Variants in YLPM1 observed in about 807,000 individuals in gnomAD.
YLPM1 encodes the protein YLP motif-containing protein 1.
YLPM1 carries 99 observed loss-of-function variants against 230.0 expected under a neutral mutation model. The ratio of observed to expected loss-of-function variants is 0.43; its 90% confidence interval spans 0.37 to 0.51. The LOEUF is 0.51. YLPM1 is among the 20% of genes least tolerant of loss of function. The pLI is 0.00. For missense variants in YLPM1, 2,592 were observed against 2,707.7 expected, an observed-to-expected ratio of 0.96 and a Z score of 0.95; for synonymous variants, 984 against 942.5, an observed-to-expected ratio of 1.04 and a Z score of -0.81.
intron 15 of YLPM1, among the ~76,000 whole-genome samples, 160 bp downstream of exon 15, chr14:74,817,437 T>C (rs2091488096): frequency 6.6e-6 from 1 of 152,234 alleles, no homozygotes; most frequent in African/African-American, 2.4e-5. Flanking sequence ...AAATACTTCA[T>C]TGTGTTGCAG....
chr14:74,764,390 C>T (rs373093271), intron 1 of YLPM1, 28 bp downstream of exon 1: 4 of 1,564,110 alleles, frequency 2.6e-6, no homozygotes, highest in Non-Finnish European at 2.6e-6. Context: ...TGAACCTCAT[C>T]TTTCACCTAG....
intron 6 of YLPM1, among the ~76,000 whole-genome samples, chr14:74,807,327 A>T (rs1381384799): frequency 1.3e-5 from 2 of 152,156 alleles, no homozygotes; most frequent in African/African-American, 4.8e-5. Context: ...AAATAAAACC[A>T]AACCAGCCAG....
Position 74,799,100 on chromosome 14 carries a change from G to T in YLPM1, c.3803G>T (p.Trp1268Leu), listed in dbSNP as rs1275190338. The T allele has an allele frequency of 6.2e-7, 1 of 1,613,914 alleles. No individual in the cohort carries two copies. Among genetic ancestry groups the T allele is most frequent in the Non-Finnish European group, 8.5e-7 (1 of 1,179,862 alleles). Residue 1268 changes from tryptophan to leucine, a missense_variant, in exon 5 of 21, where the codon TGG (tryptophan) becomes TTG (leucine). This residue lies in a region of YLPM1 where 1,862 missense variants were observed against 1,819.8 expected (regional missense o/e 1.02). Transcript: ENST00000325680. ...AGGCGAGGCCCTTGGTGGGATGATT[G>T]GGAGAGAGACCAGGATATGGATGAG... is the stretch of plus-strand genomic sequence containing the variant. ...GDRRGPWWDD[W>L]ERDQDMDEDY... is the part of the protein sequence containing the mutation.
intron 18 of YLPM1, among the ~76,000 whole-genome samples, chr14:74,826,684 A>C (rs1176255606): frequency 1.3e-5 from 2 of 152,186 alleles, no homozygotes; most frequent in African/African-American, 4.8e-5. Context: ...TGATTTTTAG[A>C]ACAGTTCAGA....
rs1335467537 is a variant in YLPM1 at position 74,809,771 on chromosome 14, A to G, written c.4913A>G (p.Gln1638Arg). 6.2e-7 allele frequency: 1 copy of G among 1,613,994 alleles called. No homozygotes were observed. Among genetic ancestry groups the G allele is most frequent in the Admixed American group, 1.7e-5 (1 of 60,024 alleles). ...ATGTCCAAGCCACCACCAGTACAAC[A>G]GACTGTTGATTATGGCCATGGCCGA... is the stretch of plus-strand genomic sequence containing the variant. ...PPMSKPPPVQ[Q>R]TVDYGHGRDI... Residue 1638 changes from glutamine (Q) to arginine (R), a missense_variant, in exon 7 of 21, where the codon CAG (glutamine) becomes CGG (arginine). Coordinates refer to ENST00000325680, the MANE Select transcript of YLPM1 (RefSeq NM_019589.3).
At chr14:74,804,139 G>A (rs2091355003) in intron 6 of YLPM1, among the ~76,000 whole-genome samples, 1 of 152,076 alleles carries the variant, frequency 6.6e-6, no homozygotes, top group South Asian at 2.1e-4. Context: ...CCTGGGCAAC[G>A]GGCGAAACTC....
chr14:74,812,061 G>A (rs971177859), intron 10 of YLPM1, among the ~76,000 whole-genome samples: 13 of 152,086 alleles, frequency 8.5e-5, no homozygotes, highest in South Asian at 2.1e-4. Context: ...TTTCTTTATC[G>A]TGATTGTTCT....
At position 74,797,971 on chromosome 14, in the gene YLPM1, G is replaced by A; in HGVS notation, c.2674G>A (p.Asp892Asn). ...ATTTTCCATTGCTGCAGATGTAAAG[G>A]ATGTCAAGGCGGCTCAGTCAAATGA... The part of the protein sequence containing the change: ...AAFSIAADVK[D>N]VKAAQSNENL... Residue 892 changes from aspartate (D) to asparagine (N), a missense_variant, in exon 5 of 21, where the codon GAT becomes AAT. By Grantham distance (23) the Asp-to-Asn change is conservative. Transcript: ENST00000325680. The A allele has an allele frequency of 6.2e-7, 1 of 1,609,032 alleles. No homozygotes were observed. Among genetic ancestry groups the A allele is most frequent in the South Asian group, 1.1e-5 (1 of 90,840 alleles).
intron 4 of YLPM1, among the ~76,000 whole-genome samples, chr14:74,791,407 A>G (rs1399200390): frequency 1.3e-5 from 2 of 152,242 alleles, no homozygotes; most frequent in African/African-American, 2.4e-5. Flanking sequence ...TTGATCAGCA[A>G]TTTGGTCTGA....
At position 74,781,454 on chromosome 14, in the gene YLPM1, C is replaced by T. The variant is rs377344128; in HGVS notation, c.1411C>T (p.His471Tyr). The T allele has an allele frequency of 2.3e-5, 37 of 1,612,492 alleles. No individual in the cohort carries two copies. Among genetic ancestry groups the T allele is most frequent in the South Asian group, 1.1e-5 (1 of 90,806 alleles). The change falls in exon 4 of 21, where the codon CAT becomes TAT. Residue 471 changes from histidine to tyrosine, a missense_variant. Physicochemically the swap from His to Tyr is moderately conservative, Grantham distance 83. Coordinates refer to ENST00000325680, the MANE Select transcript of YLPM1 (RefSeq NM_019589.3). ...GGAGGAACAACTCCATTCCTATCCTCATAAAGATCAGCTTCAGGAGTATGA... is the reference window on the plus strand; with the variant it reads ...GGAGGAACAACTCCATTCCTATCCTTATAAAGATCAGCTTCAGGAGTATGA... ...LWEEQLHSYP[H>Y]KDQLQEYEKQ...
In YLPM1 at chr14:74,836,814, A is replaced by G. The variant is rs2140151398; in HGVS notation, c.*1076A>G. 6.5e-6 allele frequency: 1 copy of G among 152,768 alleles called. No homozygotes were observed. The highest frequency in any genetic ancestry group is 1.5e-5 in the Non-Finnish European group (1 of 68,040). 9.5% of individuals were successfully genotyped at this position (152,768 alleles called of 1,614,324 possible). A position where few individuals can be genotyped will look rare whatever the true frequency, so the allele number is the denominator to read the frequency against. Reference sequence around the variant, plus strand: ...CAGAATTTCCTCTCTTGTGGTTAATACCAGGTGGAACCCAGAAACATACAG... The same window carrying G: ...CAGAATTTCCTCTCTTGTGGTTAATGCCAGGTGGAACCCAGAAACATACAG... On this transcript the variant is annotated 3_prime_UTR_variant, in exon 21 of 21. Coordinates refer to ENST00000325680, the MANE Select transcript of YLPM1 (RefSeq NM_019589.3).
At chr14:74,775,772 CAT>C (rs1209044605) in intron 1 of YLPM1, among the ~76,000 whole-genome samples, 1 of 152,012 alleles carries the variant, frequency 6.6e-6, no homozygotes, top group Non-Finnish European at 1.5e-5. Context: ...CATTTTTTGA[CAT>C]GTTGAAAAAA....
chr14:74,769,794 T>A (rs973696211), intron 1 of YLPM1, among the ~76,000 whole-genome samples: 2 of 151,190 alleles, frequency 1.3e-5, no homozygotes, highest in Non-Finnish European at 2.9e-5. Flanking sequence ...TAATCCCAGT[T>A]CTTTGGGCTC....
intron 11 of YLPM1, among the ~76,000 whole-genome samples, 200 bp from the exon 12 acceptor site, chr14:74,816,003 C>T (rs1375947711): frequency 6.6e-6 from 1 of 151,758 alleles, no homozygotes; most frequent in Non-Finnish European, 1.5e-5. Flanking sequence ...TTTTTTCTTA[C>T]TATTAATTTC....
chr14:74,809,406 T>C lies in YLPM1; in HGVS notation c.4548T>C (p.Pro1516=), dbSNP rs1321693992. Residue 1516 remains proline, a synonymous_variant, in exon 7 of 21, where the codon CCT becomes CCC. Transcript: ENST00000325680. ...CTCCAGGGTCGTATAGACCTCCCCC[T>C]CCTATGGGCAAACCACCAGGTTCAA... ...YPPPGSYRPP[P]PMGKPPGSIV... 6.2e-7 allele frequency: 1 copy of C among 1,609,080 alleles called. No homozygotes were observed. The highest frequency in any genetic ancestry group is 1.7e-5 in the Admixed American group (1 of 59,338).
rs550764434 is a variant in YLPM1 at position 74,820,873 on chromosome 14, G to A, written c.6031-184G>A. Among the ~76,000 whole-genome samples the A allele has an allele frequency of 5.3e-5, 8 of 152,298 alleles. No individual in the cohort carries two copies. In the South Asian group the frequency reaches 8.3e-4, roughly 16 times the overall value. On this transcript the variant is annotated intron_variant, in intron 16 of 20. Transcript: ENST00000325680. ...AGATGGATATTCAAGGAAAATTAAA[G>A]GCAGTAGTATCCTGTCTTTTATCAG...
intron 1 of YLPM1, among the ~76,000 whole-genome samples, chr14:74,770,933 A>T (rs2090971563): frequency 6.6e-6 from 1 of 152,154 alleles, no homozygotes; most frequent in African/African-American, 2.4e-5. Flanking sequence ...AGTGGTTTAG[A>T]CTTTGATGGT....
intron 4 of YLPM1, among the ~76,000 whole-genome samples, chr14:74,790,673 CTTTT>C (rs1313811124): frequency 6.6e-6 from 1 of 151,920 alleles, no homozygotes; most frequent in Non-Finnish European, 1.5e-5. Context: ...GCTTATTTTT[CTTTT>C]TATCTTACCA....
At chr14:74,815,530 C>T (rs1208877986) in intron 11 of YLPM1, among the ~76,000 whole-genome samples, 1 of 151,160 alleles carries the variant, frequency 6.6e-6, no homozygotes, top group Non-Finnish European at 1.5e-5. Flanking sequence ...CCACTGCACT[C>T]CAGCCTGGGC....
Sources: gnomAD v4.1 joint callset for allele counts (sites outside exome capture counted in the v4.1 genomes callset) on GRCh38, gnomAD v4.1.1 for gene constraint, gnomAD v4.1.1 regional missense constraint, MANE v1.5 for transcripts, NCBI Gene and HGNC (gene_info 2026-07-23, HGNC 2026-07-21) for gene names.